The following NTRK3 variants were observed in gnomAD, a reference collection of about 807,000 sequenced individuals.
NTRK3 encodes the protein neurotrophic receptor tyrosine kinase 3.
Under a neutral mutation model 91.7 loss-of-function variants are expected in NTRK3, and 24 were observed. The ratio of observed to expected loss-of-function variants is 0.26; its 90% CI spans 0.19 to 0.37. The LOEUF (loss-of-function observed/expected upper bound fraction) is 0.37, where lower values mean the gene tolerates loss of function less well. Among genes scored for constraint, NTRK3 ranks in the 10% least tolerant of loss-of-function variants. The probability of loss-of-function intolerance (pLI) is 1.00; values close to 1 mark genes in which losing one functional copy is unlikely to be tolerated. For synonymous variants in NTRK3, 483 were observed against 404.0 expected (o/e 1.20, Z -2.34); for missense variants, 880 against 1,068.9 (o/e 0.82, Z 2.46).
intron 14 of NTRK3, among the ~76,000 whole-genome samples, chr15:87,987,041 G>A (rs2074871795): frequency 6.6e-6 from 1 of 152,242 alleles, no homozygotes; most frequent in African/African-American, 2.4e-5. Context: ...CAGGCAAGTG[G>A]ACAAGCAGCA....
At chr15:88,220,997 T>C (rs964018092) in intron 3 of NTRK3, among the ~76,000 whole-genome samples, 1 of 152,224 alleles carries the variant, frequency 6.6e-6, no homozygotes, top group African/African-American at 2.4e-5. Context: ...CTCAGTTCTC[T>C]GCATTTTTAA....
intron 14 of NTRK3, among the ~76,000 whole-genome samples, chr15:87,997,367 A>C (rs2075780999): frequency 6.6e-6 from 1 of 152,168 alleles, no homozygotes; most frequent in African/African-American, 2.4e-5. Flanking sequence ...TTTGCTATGC[A>C]TTCTCTGTGG....
intron 13 of NTRK3, among the ~76,000 whole-genome samples, chr15:88,068,841 G>C (rs568523818): frequency 5.6e-4 from 85 of 152,264 alleles, no homozygotes; most frequent in African/African-American, 1.8e-3. Context: ...AATGGGGTTT[G>C]TCTCGATGGG....
chr15:87,927,708 C>T (rs1388223047), intron 17 of NTRK3: 1 of 152,168 alleles, frequency 6.6e-6, no homozygotes, highest in Non-Finnish European at 1.5e-5. Flanking sequence ...ATGGAGAAGA[C>T]ACAGCAAGCA....
At chr15:88,033,216 A>ATATATATAT (rs1567262261) in intron 13 of NTRK3, among the ~76,000 whole-genome samples, 171 bp from the exon 14 acceptor site, 153 of 121,842 alleles carry the variant, frequency 1.3e-3, no homozygotes, top group Non-Finnish European at 1.5e-3. Flanking sequence ...ATATATATAT[A>ATATATATAT]AATTCAGTTG....
chr15:88,135,027 C>T, intron 10 of NTRK3, 74 bp downstream of exon 10: 1 of 1,557,212 alleles, frequency 6.4e-7, no homozygotes, highest in East Asian at 2.2e-5. Flanking sequence ...CTTCTCCTCT[C>T]AAGCTACCAT....
At chr15:88,144,038 A>T (rs368606873) in intron 6 of NTRK3, 1 of 152,094 alleles carries the variant, frequency 6.6e-6, no homozygotes, top group East Asian at 1.9e-4. Flanking sequence ...CCATTGCCTA[A>T]ATTGTATCTT....
chr15:87,993,574 C>A (rs1232209150), intron 14 of NTRK3, among the ~76,000 whole-genome samples: 1 of 152,200 alleles, frequency 6.6e-6, no homozygotes, highest in East Asian at 1.9e-4. Context: ...CAGAGACACA[C>A]ACACAAAATA....
chr15:88,131,681 G>C (rs572375685), intron 10 of NTRK3, among the ~76,000 whole-genome samples: 1 of 152,228 alleles, frequency 6.6e-6, no homozygotes, highest in Non-Finnish European at 1.5e-5. Flanking sequence ...ATATTCTCAC[G>C]TTAGCCAAAT....
At chr15:88,056,893 G>C (rs1017405480) in intron 13 of NTRK3, among the ~76,000 whole-genome samples, 11 of 152,204 alleles carry the variant, frequency 7.2e-5, no homozygotes, top group Non-Finnish European at 1.3e-4. Flanking sequence ...TGTGTCGGCC[G>C]GGCGCGGTGG....
chr15:88,233,668 G>A lies in NTRK3; in HGVS notation c.248+22238C>T, dbSNP rs912848619. Among the ~76,000 whole-genome samples the A allele has an allele frequency of 1.3e-5, 2 of 152,022 alleles. No individual in the cohort carries two copies. The highest frequency in any genetic ancestry group is 2.9e-5 in the Non-Finnish European group (2 of 68,006). ...AGGGTCTTGGTTTCTTTTGCCTGGA[G>A]AGGTCCACCTCTTCAGAAAACTGCT... is the stretch of plus-strand genomic sequence containing the variant. On this transcript the variant is annotated intron_variant, in intron 3 of 18. Coordinates refer to ENST00000394480, the Ensembl canonical transcript of NTRK3. This position sits in a 1 kb window ranked among gnomAD's most constrained non-coding sequence, Gnocchi z 4.2.
intron 17 of NTRK3, among the ~76,000 whole-genome samples, chr15:87,921,100 C>T (rs1300680318): frequency 6.6e-6 from 1 of 152,168 alleles, no homozygotes; most frequent in African/African-American, 2.4e-5. Context: ...CTTTTCTGTA[C>T]ATCTAAAATT....
chr15:88,073,785 G>A (rs183512829), intron 13 of NTRK3, among the ~76,000 whole-genome samples: 3 of 133,310 alleles, frequency 2.3e-5, no homozygotes, highest in African/African-American at 8.6e-5. Flanking sequence ...ACACCCCCCC[G>A]CCCCACCCCG....
intron 14 of NTRK3, among the ~76,000 whole-genome samples, chr15:88,018,587 T>C (rs2077399441): frequency 6.6e-6 from 1 of 152,120 alleles, no homozygotes; most frequent in African/African-American, 2.4e-5. Context: ...GTAGAAAGAA[T>C]GACTTCATGA....
At chr15:88,246,008 A>T (rs1315430916) in intron 3 of NTRK3, among the ~76,000 whole-genome samples, 1 of 152,206 alleles carries the variant, frequency 6.6e-6, no homozygotes, top group Non-Finnish European at 1.5e-5. Flanking sequence ...CAGAGAGAAC[A>T]CTGCCTGCAG....
At chr15:88,135,839 C>G in intron 9 of NTRK3, 60 bp downstream of exon 9, 1 of 1,601,644 alleles carries the variant, frequency 6.2e-7, no homozygotes. Flanking sequence ...GGCCCCTCTC[C>G]AGCCTCCTAT....
chr15:87,901,276 T>G (rs983990751), intron 17 of NTRK3, among the ~76,000 whole-genome samples: 33 of 152,162 alleles, frequency 2.2e-4, no homozygotes, highest in African/African-American at 8.0e-4. Context: ...GAAATCACAG[T>G]TGGAGAGTTG....
chr15:88,029,529 G>T (rs754423328), intron 14 of NTRK3, among the ~76,000 whole-genome samples: 1 of 152,186 alleles, frequency 6.6e-6, no homozygotes, highest in Non-Finnish European at 1.5e-5. Context: ...TGGGGGGATG[G>T]GGAAATAAGG....
intron 13 of NTRK3, among the ~76,000 whole-genome samples, chr15:88,048,280 G>A (rs1463100257): frequency 6.6e-6 from 1 of 152,138 alleles, no homozygotes; most frequent in Non-Finnish European, 1.5e-5. Flanking sequence ...AGTGCCAATG[G>A]AAGTGTCAGT....
Sources: gnomAD v4.1 joint callset for allele counts (sites outside exome capture counted in the v4.1 genomes callset) on GRCh38, gnomAD v4.1.1 for gene constraint, Gnocchi (gnomAD v3.1) non-coding constraint, MANE v1.5 for transcripts, NCBI Gene and HGNC (gene_info 2026-07-23, HGNC 2026-07-21) for gene names.